DENND1A: variants seen among roughly 807,000 people sequenced by gnomAD.
The protein encoded by DENND1A is DENN domain containing 1A.
In DENND1A, 51 loss-of-function variants were observed where a neutral mutation model predicts 113.7. The ratio of observed to expected loss-of-function variants is 0.45; its 90% CI spans 0.36 to 0.57. The LOEUF is 0.57. Among genes scored for constraint, DENND1A ranks in the 20% least tolerant of loss-of-function variants. DENND1A has a pLI of 0.00. For synonymous variants in DENND1A, 565 were observed against 570.8 expected (o/e 0.99, Z 0.14); for missense variants, 1,258 against 1,395.9 (o/e 0.90, Z 1.57).
chr9:123,883,073 C>A (rs76973634), intron 1 of DENND1A, among the ~76,000 whole-genome samples: 13 of 152,306 alleles, frequency 8.5e-5, no homozygotes, highest in African/African-American at 2.9e-4. Flanking sequence ...ATCTTACAGT[C>A]CTTTATATTG....
At chr9:123,862,882 T>G (rs778384496) in intron 2 of DENND1A, among the ~76,000 whole-genome samples, 3 of 152,206 alleles carry the variant, frequency 2.0e-5, no homozygotes, top group Non-Finnish European at 2.9e-5. Context: ...CATGAAAAAC[T>G]GATGAAAATG....
intron 12 of DENND1A, among the ~76,000 whole-genome samples, chr9:123,564,062 T>G (rs543697087): frequency 6.6e-6 from 1 of 152,282 alleles, no homozygotes; most frequent in East Asian, 1.9e-4. Flanking sequence ...TCCCAAGGAC[T>G]TCCAGTTTAG....
intron 5 of DENND1A, among the ~76,000 whole-genome samples, chr9:123,752,239 C>A (rs1351817856): frequency 6.6e-6 from 1 of 151,934 alleles, no homozygotes; most frequent in Non-Finnish European, 1.5e-5. Flanking sequence ...TCTCTGTGTT[C>A]ATGTTAAGGG....
chr9:123,610,586 T>C (rs1385286514), intron 10 of DENND1A, among the ~76,000 whole-genome samples: 2 of 152,106 alleles, frequency 1.3e-5, no homozygotes, highest in East Asian at 3.9e-4. Flanking sequence ...CGAGGAAGGG[T>C]GTGATTGGCA....
chr9:123,675,539 A>G (rs1273807995), intron 6 of DENND1A, among the ~76,000 whole-genome samples: 2 of 152,212 alleles, frequency 1.3e-5, no homozygotes, highest in Non-Finnish European at 2.9e-5. Context: ...GAAAAAAATT[A>G]AGGGAAATTT....
At chr9:123,538,853 T>TGC (rs1554864484) in intron 13 of DENND1A, among the ~76,000 whole-genome samples, 1 of 106,188 alleles carries the variant, frequency 9.4e-6, no homozygotes. Context: ...TATATATATA[T>TGC]ATATATGAAT....
At chr9:123,482,380 G>A (rs867933426) in intron 13 of DENND1A, among the ~76,000 whole-genome samples, 3 of 152,182 alleles carry the variant, frequency 2.0e-5, no homozygotes, top group Admixed American at 6.5e-5. Context: ...TTACAGGCGT[G>A]AACCACCGCA....
At chr9:123,912,852 C>G (rs1326635239) in intron 1 of DENND1A, among the ~76,000 whole-genome samples, 2 of 152,072 alleles carry the variant, frequency 1.3e-5, no homozygotes, top group African/African-American at 4.8e-5. Flanking sequence ...CAAGACCACT[C>G]CCCTCCACCC....
At chr9:123,689,740 C>A (rs989137539) in intron 5 of DENND1A, among the ~76,000 whole-genome samples, 3 of 152,016 alleles carry the variant, frequency 2.0e-5, no homozygotes, top group African/African-American at 4.8e-5. Context: ...GAAGCCAAGG[C>A]GGGTGGGTCA....
intron 5 of DENND1A, among the ~76,000 whole-genome samples, chr9:123,746,863 T>C (rs1330674944): frequency 6.6e-6 from 1 of 152,150 alleles, no homozygotes; most frequent in Non-Finnish European, 1.5e-5. Context: ...ATTGGCTATA[T>C]TTTTCATATA....
At chr9:123,644,300 A>G (rs918879425) in intron 9 of DENND1A, among the ~76,000 whole-genome samples, 2 of 145,006 alleles carry the variant, frequency 1.4e-5, no homozygotes, top group Non-Finnish European at 3.0e-5. Flanking sequence ...TAAAGTACTG[A>G]GGACGAATCT....
At chr9:123,514,871 T>A (rs543914766) in intron 13 of DENND1A, among the ~76,000 whole-genome samples, 17 of 152,124 alleles carry the variant, frequency 1.1e-4, no homozygotes, top group Non-Finnish European at 1.5e-4. Context: ...TTTCTAAGTA[T>A]CACTCCCTAC....
At chr9:123,560,384 A>G (rs1294678587) in intron 12 of DENND1A, among the ~76,000 whole-genome samples, 2 of 152,196 alleles carry the variant, frequency 1.3e-5, no homozygotes, top group Non-Finnish European at 2.9e-5. Flanking sequence ...AAACTGAGTG[A>G]AGATGGGACT....
intron 13 of DENND1A, among the ~76,000 whole-genome samples, chr9:123,523,189 G>A (rs906051624): frequency 6.6e-6 from 1 of 152,156 alleles, no homozygotes. Flanking sequence ...CATGGGCTAG[G>A]TCTGTTAGCT....
At chr9:123,703,574 G>A (rs2066003796) in intron 5 of DENND1A, among the ~76,000 whole-genome samples, 1 of 152,032 alleles carries the variant, frequency 6.6e-6, no homozygotes. Context: ...CAGTAAGAGA[G>A]GAAGAAAGAA....
intron 5 of DENND1A, among the ~76,000 whole-genome samples, chr9:123,708,880 T>A (rs1407566781): frequency 6.6e-6 from 1 of 152,248 alleles, no homozygotes; most frequent in Admixed American, 6.5e-5. Context: ...CTTGATTTCT[T>A]CAGGAGGTCA....
intron 2 of DENND1A, among the ~76,000 whole-genome samples, chr9:123,809,583 T>C (rs1477985816): frequency 2.0e-5 from 3 of 152,230 alleles, no homozygotes; most frequent in Non-Finnish European, 4.4e-5. Flanking sequence ...AACCACTCTG[T>C]AGAATTAACA....
At chr9:123,521,446 C>T (rs181106132) in intron 13 of DENND1A, among the ~76,000 whole-genome samples, 18 of 152,258 alleles carry the variant, frequency 1.2e-4, no homozygotes, top group Non-Finnish European at 1.8e-4. Flanking sequence ...CATCGACTTC[C>T]CCATTTGTAA....
In DENND1A at chr9:123,909,146, AATGAGATCAC is replaced by A. The variant is rs1853462605; in HGVS notation, c.17+20733_17+20742del. Reference sequence around the variant, plus strand: ...TCTCACTCATAGGTGGGAAATGAACAATGAGATCACATGGACACAGGAAGGGGAATATCAC... The same window carrying A: ...TCTCACTCATAGGTGGGAAATGAACAATGGACACAGGAAGGGGAATATCAC... On this transcript the variant is annotated intron_variant, in intron 1 of 23. Transcript: ENST00000394215. Among the ~76,000 whole-genome samples, 4 of 152,200 alleles carry A rather than the reference AATGAGATCAC, an allele frequency of 2.6e-5. No individual in the cohort carries two copies. In the South Asian group the frequency reaches 8.3e-4, roughly 32 times the overall value.
Sources: allele counts gnomAD v4.1 joint callset (sites outside exome capture counted in the v4.1 genomes callset), GRCh38; gene constraint gnomAD v4.1.1; transcripts MANE v1.5; gene names NCBI Gene and HGNC (gene_info 2026-07-23, HGNC 2026-07-21).